GXYLT2: variants seen among roughly 807,000 people sequenced by gnomAD.
The protein encoded by GXYLT2 is glycosyltransferase 8 domain containing 4.
Under a neutral mutation model 45.8 loss-of-function variants are expected in GXYLT2, and 53 were observed. That is an observed-to-expected ratio of 1.16 (90% CI 0.93 to 1.46). The LOEUF (loss-of-function observed/expected upper bound fraction) is 1.46, where lower values mean the gene tolerates loss of function less well. GXYLT2 is among the 40% of genes most tolerant of loss of function. GXYLT2 has a pLI of 0.00. For missense variants in GXYLT2, 551 were observed against 544.4 expected, an observed-to-expected ratio of 1.01 and a Z score of -0.12; for synonymous variants, 219 against 214.2, an observed-to-expected ratio of 1.02 and a Z score of -0.19.
In GXYLT2 at chr3:72,953,497, C is replaced by G. The variant is rs185286151; in HGVS notation, c.601-1601C>G. On this transcript the variant is annotated intron_variant, in intron 3 of 6. Transcript: ENST00000389617. ...ATAAAGATGGGGTTTCACCATTTGC[C>G]CAGGCTGGTCTTGAACTCCTGGGCT... 2.5e-3 allele frequency among the ~76,000 whole-genome samples: 381 copies of G among 152,114 alleles called. 3 individuals are homozygous for G. Among genetic ancestry groups the G allele is most frequent in the African/African-American group, 8.7e-3 (359 of 41,488 alleles).
intron 6 of GXYLT2, among the ~76,000 whole-genome samples, chr3:72,973,119 A>G (rs916123596): frequency 1.3e-5 from 2 of 152,110 alleles, no homozygotes; most frequent in East Asian, 3.8e-4. Flanking sequence ...ATCCTCTGAG[A>G]TAGTGAAAGG....
At chr3:72,959,106 CTTTTTTTTTTTT>C (rs55680713) in intron 5 of GXYLT2, among the ~76,000 whole-genome samples, 637 of 59,984 alleles carry the variant, frequency 0.011, 9 homozygotes, top group African/African-American at 0.032. Flanking sequence ...CCACACCCAG[CTTTTTTTTTTTT>C]TTTTTTTTTT....
intron 1 of GXYLT2, among the ~76,000 whole-genome samples, chr3:72,892,875 C>T (rs1559723017): frequency 6.6e-6 from 1 of 152,132 alleles, no homozygotes; most frequent in Non-Finnish European, 1.5e-5. Flanking sequence ...GTCCATGAAT[C>T]CCCTCGATCA....
chr3:72,968,643 C>A (rs1710919845), intron 6 of GXYLT2, among the ~76,000 whole-genome samples: 1 of 152,198 alleles, frequency 6.6e-6, no homozygotes, highest in Non-Finnish European at 1.5e-5. Flanking sequence ...AGAAAAGGTT[C>A]TTGGCTGGAT....
chr3:72,927,531 CTT>C (rs960270564), intron 3 of GXYLT2, among the ~76,000 whole-genome samples: 1 of 152,128 alleles, frequency 6.6e-6, no homozygotes, highest in Non-Finnish European at 1.5e-5. Flanking sequence ...CTTTTTAGAA[CTT>C]TTTATAATTA....
At chr3:72,966,034 T>G (rs1710859366) in intron 5 of GXYLT2, among the ~76,000 whole-genome samples, 1 of 152,116 alleles carries the variant, frequency 6.6e-6, no homozygotes, top group Non-Finnish European at 1.5e-5. Context: ...CAGGCTGGAG[T>G]GCAGTGTGTG....
intron 2 of GXYLT2, among the ~76,000 whole-genome samples, chr3:72,920,298 C>A (rs1435164869): frequency 6.6e-6 from 1 of 151,956 alleles, no homozygotes; most frequent in Non-Finnish European, 1.5e-5. Flanking sequence ...CCGCTCCTGG[C>A]TAATTTTTGA....
chr3:72,930,283 C>G (rs189643058), intron 3 of GXYLT2, among the ~76,000 whole-genome samples: 15 of 151,724 alleles, frequency 9.9e-5, no homozygotes, highest in Non-Finnish European at 1.6e-4. Context: ...GGGCAGATCA[C>G]TTGAGCTCAG....
At chr3:72,941,919 C>T (rs1710309180) in intron 3 of GXYLT2, among the ~76,000 whole-genome samples, 1 of 152,144 alleles carries the variant, frequency 6.6e-6, no homozygotes, top group South Asian at 2.1e-4. Flanking sequence ...GCAATGAACA[C>T]ACCTAGCACC....
intron 5 of GXYLT2, among the ~76,000 whole-genome samples, chr3:72,960,186 T>G (rs1710742651): frequency 6.6e-6 from 1 of 152,200 alleles, no homozygotes. Flanking sequence ...GTGGATCACT[T>G]GAGGGATTAT....
At chr3:72,912,005 A>G (rs1252683793) in intron 2 of GXYLT2, among the ~76,000 whole-genome samples, 1 of 126,510 alleles carries the variant, frequency 7.9e-6, no homozygotes, top group East Asian at 2.0e-4. Flanking sequence ...ATATATATAT[A>G]TATATATATT....
chr3:72,915,478 G>C (rs895503536), intron 2 of GXYLT2, among the ~76,000 whole-genome samples: 2 of 150,812 alleles, frequency 1.3e-5, no homozygotes, highest in Non-Finnish European at 2.9e-5. Flanking sequence ...AGAACAAAAC[G>C]AGGGGTGATG....
In GXYLT2 at chr3:72,946,155, C is replaced by T. The variant is rs115526730; in HGVS notation, c.601-8943C>T. Among the ~76,000 whole-genome samples, 1,495 of 151,544 alleles carry T rather than the reference C, an allele frequency of 9.9e-3. 20 individuals are homozygous for T. The highest frequency in any genetic ancestry group is 0.034 in the African/African-American group (1,417 of 41,346). On this transcript the variant is annotated intron_variant, in intron 3 of 6. Transcript: ENST00000389617. Reference sequence around the variant, plus strand: ...AGCTAGGCCTGATGATATATGCCTGCGGTCCCAGCTACTGGAGAGGCTGAG... The same window carrying T: ...AGCTAGGCCTGATGATATATGCCTGTGGTCCCAGCTACTGGAGAGGCTGAG...
At chr3:72,962,361 A>G (rs1710786838) in intron 5 of GXYLT2, among the ~76,000 whole-genome samples, 1 of 152,224 alleles carries the variant, frequency 6.6e-6, no homozygotes, top group South Asian at 2.1e-4. Flanking sequence ...TGTCTTTCAC[A>G]GTGCAAGGCT....
chr3:72,953,659 C>G (rs1039785352), intron 3 of GXYLT2, among the ~76,000 whole-genome samples: 3 of 152,180 alleles, frequency 2.0e-5, no homozygotes, highest in African/African-American at 4.8e-5. Flanking sequence ...CATGTTACAA[C>G]AGCAGATTTG....
chr3:72,935,346 T>C (rs978304127), intron 3 of GXYLT2, among the ~76,000 whole-genome samples: 4 of 151,966 alleles, frequency 2.6e-5, no homozygotes, highest in Admixed American at 6.6e-5. Flanking sequence ...AGAAGGAGAA[T>C]AGCAATAAAA....
Position 72,955,276 on chromosome 3 carries a change from T to C in GXYLT2, c.779T>C (p.Phe260Ser). The C allele has an allele frequency of 1.2e-6, 2 of 1,614,038 alleles. No individual in the cohort carries two copies. Among genetic ancestry groups the C allele is most frequent in the Non-Finnish European group, 1.7e-6 (2 of 1,179,890 alleles). Residue 260 changes from phenylalanine to serine, a missense_variant, in exon 4 of 7, where the codon TTC becomes TCC. Coordinates refer to ENST00000389617, the MANE Select transcript of GXYLT2 (RefSeq NM_001080393.2). Reference protein sequence around the residue: ...GWYSRFARHPFYGSAGVNSGV... With the variant: ...GWYSRFARHPSYGSAGVNSGV... ...TACAGCCGCTTTGCTAGGCATCCTT[T>C]CTATGGCTCTGCAGGAGTTAATTCA...
At chr3:72,958,781 G>A (rs1710702475) in intron 5 of GXYLT2, among the ~76,000 whole-genome samples, 1 of 150,758 alleles carries the variant, frequency 6.6e-6, no homozygotes, top group Non-Finnish European at 1.5e-5. Context: ...ACAGGAGTGT[G>A]CCACTATGCC....
intron 3 of GXYLT2, among the ~76,000 whole-genome samples, chr3:72,951,806 GTTTTGTTTTGTTTATTTTTTTGTTT>G (rs990678405): frequency 2.0e-5 from 3 of 151,648 alleles, no homozygotes; most frequent in Non-Finnish European, 2.9e-5. Context: ...TTTTTGTTTT[GTTTTGTTTTGTTTATTTTTTTGTTT>G]TTTTGTTTTG....
Sources: allele counts gnomAD v4.1 joint callset (sites outside exome capture counted in the v4.1 genomes callset), GRCh38; gene constraint gnomAD v4.1.1; transcripts MANE v1.5; gene names NCBI Gene and HGNC (gene_info 2026-07-23, HGNC 2026-07-21).